VAT1L: variants seen among roughly 807,000 people sequenced by gnomAD.
The protein encoded by VAT1L is putative NADPH-dependent quinone oxidoreductase VAT1L.
Under a neutral mutation model 44.1 loss-of-function variants are expected in VAT1L, and 34 were observed. The ratio of observed to expected loss-of-function variants is 0.77; its 90% CI spans 0.59 to 1.03. The LOEUF is 1.03. Among genes scored for constraint, VAT1L ranks in the 50% least tolerant of loss-of-function variants. The pLI is 0.00. For missense variants in VAT1L, 615 were observed against 538.8 expected (o/e 1.14, Z -1.40); for synonymous variants, 253 against 202.2 (o/e 1.25, Z -2.13).
At chr16:77,907,400 A>G (rs1438991560) in intron 7 of VAT1L, among the ~76,000 whole-genome samples, 1 of 152,164 alleles carries the variant, frequency 6.6e-6, no homozygotes, top group East Asian at 1.9e-4. Flanking sequence ...AACTGGGGAA[A>G]ATCTCAGAAC....
intron 3 of VAT1L, among the ~76,000 whole-genome samples, chr16:77,838,224 A>T (rs756390030): frequency 1.3e-5 from 2 of 152,136 alleles, no homozygotes; most frequent in Non-Finnish European, 2.9e-5. Context: ...GACTCTGGGG[A>T]CCCATCCACT....
chr16:77,901,225 G>A (rs957243557), intron 7 of VAT1L, among the ~76,000 whole-genome samples: 3 of 134,432 alleles, frequency 2.2e-5, no homozygotes, highest in Non-Finnish European at 4.6e-5. Context: ...GTGCAGTGGC[G>A]ACATCTCAGC....
At chr16:77,868,751 G>C (rs1031761458) in intron 4 of VAT1L, among the ~76,000 whole-genome samples, 3 of 152,110 alleles carry the variant, frequency 2.0e-5, no homozygotes, top group African/African-American at 7.2e-5. Flanking sequence ...ATGGTGCTTG[G>C]TTAGATCAGA....
At chr16:77,792,188 T>C (rs1020702654) in intron 1 of VAT1L, among the ~76,000 whole-genome samples, 3 of 152,188 alleles carry the variant, frequency 2.0e-5, no homozygotes, top group African/African-American at 7.2e-5. Flanking sequence ...ATTGTGACTG[T>C]CGTTGTTGCC....
chr16:77,837,813 G>T (rs943351453), intron 3 of VAT1L, among the ~76,000 whole-genome samples: 2 of 152,078 alleles, frequency 1.3e-5, no homozygotes, highest in Non-Finnish European at 2.9e-5. Flanking sequence ...TTAAAAAGGG[G>T]GTCTTGTAAT....
chr16:77,949,425 G>A (rs1463788171), intron 7 of VAT1L, among the ~76,000 whole-genome samples: 3 of 152,156 alleles, frequency 2.0e-5, no homozygotes, highest in Admixed American at 6.6e-5. Flanking sequence ...TAGGCAATGT[G>A]CTAAGAGTTT....
intron 3 of VAT1L, among the ~76,000 whole-genome samples, chr16:77,834,050 A>T (rs2016612496): frequency 6.6e-6 from 1 of 152,094 alleles, no homozygotes; most frequent in Non-Finnish European, 1.5e-5. Context: ...CTTACTTGCA[A>T]CCAGAATGGT....
intron 8 of VAT1L, among the ~76,000 whole-genome samples, chr16:77,976,792 G>T (rs1321662331): frequency 6.6e-6 from 1 of 152,198 alleles, no homozygotes; most frequent in East Asian, 1.9e-4. Context: ...TGGCGGAAAT[G>T]AAGACCCAGA....
chr16:77,844,510 G>C (rs997866425), intron 3 of VAT1L, among the ~76,000 whole-genome samples: 1 of 152,136 alleles, frequency 6.6e-6, no homozygotes, highest in African/African-American at 2.4e-5. Context: ...CCAGGTTCAA[G>C]TGATTCTCCC....
At chr16:77,906,751 A>G (rs868139805) in intron 7 of VAT1L, among the ~76,000 whole-genome samples, 1 of 152,208 alleles carries the variant, frequency 6.6e-6, no homozygotes, top group Non-Finnish European at 1.5e-5. Flanking sequence ...AGGGTTGTGC[A>G]TGTGAGTGGG....
intron 3 of VAT1L, among the ~76,000 whole-genome samples, chr16:77,858,261 G>T (rs2016881513): frequency 6.6e-6 from 1 of 152,200 alleles, no homozygotes; most frequent in Non-Finnish European, 1.5e-5. Flanking sequence ...TCCTGGGGAT[G>T]GAGATGACTG....
intron 7 of VAT1L, among the ~76,000 whole-genome samples, chr16:77,968,342 C>A (rs1279006920): frequency 6.6e-6 from 1 of 152,150 alleles, no homozygotes; most frequent in African/African-American, 2.4e-5. Flanking sequence ...AGTGGTGAAA[C>A]AATAGCTATG....
intron 6 of VAT1L, among the ~76,000 whole-genome samples, chr16:77,880,764 T>C (rs1282156662): frequency 6.6e-6 from 1 of 151,726 alleles, no homozygotes; most frequent in African/African-American, 2.4e-5. Context: ...CCCCTCCCAG[T>C]CCCCTTTAGT....
intron 7 of VAT1L, among the ~76,000 whole-genome samples, chr16:77,926,052 G>A (rs1189851729): frequency 6.6e-6 from 1 of 150,508 alleles, no homozygotes; most frequent in African/African-American, 2.4e-5. Flanking sequence ...CACGAGGTCA[G>A]GAGATCGAGA....
At position 77,964,779 on chromosome 16, in the gene VAT1L, C is replaced by CTT. The variant is rs10566511; in HGVS notation, c.1078-7040_1078-7039dup. 1.2e-3 allele frequency among the ~76,000 whole-genome samples: 109 copies of CTT among 91,856 alleles called. 2 individuals carry two copies. The East Asian group carries it at 0.016, about 13-fold the overall frequency. The allele number at this position is 91,856 out of a possible 152,430, so 60.3% of individuals were successfully genotyped here. ...AACACTGCTCACGCCCTTTGTAGCA[C>CTT]TTTTTTTTTTTTTTTTTTTTTTTTT... is the stretch of plus-strand genomic sequence containing the variant. On this transcript the variant is annotated intron_variant, in intron 7 of 8. Coordinates refer to ENST00000302536, the MANE Select transcript of VAT1L (RefSeq NM_020927.3).
chr16:77,914,916 G>A (rs1046470665), intron 7 of VAT1L, among the ~76,000 whole-genome samples: 3 of 152,078 alleles, frequency 2.0e-5, no homozygotes, highest in Non-Finnish European at 2.9e-5. Flanking sequence ...ACCTGAGGTC[G>A]GGAGTTCGAG....
At chr16:77,881,308 A>C (rs1302023325) in intron 6 of VAT1L, among the ~76,000 whole-genome samples, 1 of 152,220 alleles carries the variant, frequency 6.6e-6, no homozygotes, top group East Asian at 1.9e-4. Context: ...TGTGCCAAGC[A>C]CTGGGCTATT....
intron 7 of VAT1L, among the ~76,000 whole-genome samples, chr16:77,944,799 C>T (rs2017938621): frequency 6.6e-6 from 1 of 152,074 alleles, no homozygotes; most frequent in Non-Finnish European, 1.5e-5. Flanking sequence ...GGCTGAGAGG[C>T]ACATGTACCT....
chr16:77,817,106 CA>C (rs1256503903), intron 2 of VAT1L, 56 bp downstream of exon 2: 6 of 1,574,682 alleles, frequency 3.8e-6, no homozygotes, highest in Non-Finnish European at 4.3e-6. Context: ...ATTGAGACAA[CA>C]AAAGATGATG....
Sources: allele counts gnomAD v4.1 joint callset (sites outside exome capture counted in the v4.1 genomes callset), GRCh38; gene constraint gnomAD v4.1.1; transcripts MANE v1.5; gene names NCBI Gene and HGNC (gene_info 2026-07-23, HGNC 2026-07-21).